Variants in TRERF1 observed in about 807,000 individuals in gnomAD.
TRERF1 encodes transcriptional-regulating factor 1.
Under a neutral mutation model 122.9 loss-of-function variants are expected in TRERF1, and 27 were observed. The ratio of observed to expected loss-of-function variants is 0.22; its 90% confidence interval spans 0.16 to 0.30. The LOEUF is 0.30. TRERF1 is among the 10% of genes least tolerant of loss of function. The pLI, the probability that TRERF1 is intolerant of heterozygous loss-of-function variation, is 1.00. For synonymous variants in TRERF1, 636 were observed against 641.7 expected (o/e 0.99, Z 0.13); for missense variants, 1,248 against 1,560.3 (o/e 0.80, Z 3.37).
chr6:42,374,129 C>CTT (rs200639285), intron 2 of TRERF1, among the ~76,000 whole-genome samples: 1 of 131,248 alleles, frequency 7.6e-6, no homozygotes, highest in African/African-American at 3.2e-5. Context: ...GAGACTCTGT[C>CTT]TTTTTTTTAA....
chr6:42,305,428 C>T (rs1787028550), intron 3 of TRERF1, among the ~76,000 whole-genome samples: 1 of 152,142 alleles, frequency 6.6e-6, no homozygotes, highest in South Asian at 2.1e-4. Context: ...GCCTCACAGG[C>T]CACACTGCTG....
At chr6:42,281,817 T>C (rs534442136) in intron 4 of TRERF1, among the ~76,000 whole-genome samples, 3 of 152,200 alleles carry the variant, frequency 2.0e-5, no homozygotes, top group Admixed American at 1.3e-4. Flanking sequence ...CTAACGTGCA[T>C]TGGGCGCTAA....
intron 2 of TRERF1, among the ~76,000 whole-genome samples, chr6:42,378,965 A>G (rs1775404964): frequency 6.6e-6 from 1 of 152,074 alleles, no homozygotes; most frequent in Non-Finnish European, 1.5e-5. Flanking sequence ...AAAATTTAAA[A>G]AAAAATAGGC....
At chr6:42,303,195 A>G (rs1487780876) in intron 3 of TRERF1, among the ~76,000 whole-genome samples, 1 of 152,242 alleles carries the variant, frequency 6.6e-6, no homozygotes, top group Non-Finnish European at 1.5e-5. Context: ...TTGGCATACA[A>G]CAGCTGAGTG....
chr6:42,449,985 C>T (rs1788180516), intron 2 of TRERF1, among the ~76,000 whole-genome samples: 2 of 152,212 alleles, frequency 1.3e-5, no homozygotes, highest in Admixed American at 1.3e-4. Context: ...CGGGTTGGAC[C>T]CGAGATGCTA....
At chr6:42,451,821 A>G (rs1788602849) in intron 1 of TRERF1, among the ~76,000 whole-genome samples, 1 of 151,410 alleles carries the variant, frequency 6.6e-6, no homozygotes, top group South Asian at 2.1e-4. Context: ...CTCCCTCCCC[A>G]GTGGAAATTT....
At chr6:42,404,497 C>T (rs953837778) in intron 2 of TRERF1, among the ~76,000 whole-genome samples, 2 of 152,112 alleles carry the variant, frequency 1.3e-5, no homozygotes, top group Admixed American at 1.3e-4. Context: ...CTACCCCCAC[C>T]CCAATCCAGC....
intron 4 of TRERF1, among the ~76,000 whole-genome samples, chr6:42,289,097 G>T (rs1289029076): frequency 6.6e-6 from 1 of 152,050 alleles, no homozygotes; most frequent in Non-Finnish European, 1.5e-5. Flanking sequence ...GCCAAGGCAG[G>T]TGGATCATTT....
At chr6:42,258,315 C>T in intron 9 of TRERF1, 114 bp from the exon 10 acceptor site, 1 of 893,950 alleles carries the variant, frequency 1.1e-6, no homozygotes, top group Non-Finnish European at 1.8e-6. Flanking sequence ...CTACCCAGCT[C>T]CTGCCAGAGT....
intron 2 of TRERF1, among the ~76,000 whole-genome samples, chr6:42,398,313 A>G (rs917963958): frequency 2.0e-4 from 30 of 152,350 alleles, no homozygotes; most frequent in Middle Eastern, 6.8e-3. Context: ...GGCATGTACC[A>G]TTTAAACCCA....
At chr6:42,246,347 A>G (rs1209796384) in intron 14 of TRERF1, 109 bp downstream of exon 14, 10 of 859,504 alleles carry the variant, frequency 1.2e-5, no homozygotes, top group Non-Finnish European at 1.3e-5. Context: ...AGTGTGGAAG[A>G]CATCCTTTTT....
intron 15 of TRERF1, among the ~76,000 whole-genome samples, chr6:42,239,589 A>G (rs1773151139): frequency 6.6e-6 from 1 of 152,188 alleles, no homozygotes; most frequent in Non-Finnish European, 1.5e-5. Context: ...TTCCATCTGG[A>G]GGGAAATGGT....
At chr6:42,449,565 G>A (rs1788110791) in intron 2 of TRERF1, among the ~76,000 whole-genome samples, 1 of 151,732 alleles carries the variant, frequency 6.6e-6, no homozygotes, top group Non-Finnish European at 1.5e-5. Context: ...GACTGCTCTT[G>A]GCTCTGAGGC....
chr6:42,381,512 C>A (rs1196576348), intron 2 of TRERF1, among the ~76,000 whole-genome samples: 1 of 151,958 alleles, frequency 6.6e-6, no homozygotes, highest in Non-Finnish European at 1.5e-5. Context: ...TAGGGTAGGA[C>A]CAAAGGCTGT....
chr6:42,233,617 T>C lies in TRERF1; in HGVS notation c.3067-725A>G, dbSNP rs1391563848. 3.3e-5 allele frequency among the ~76,000 whole-genome samples: 5 copies of C among 152,210 alleles called. No homozygotes were observed. The East Asian group carries it at 5.8e-4, about 18-fold the overall frequency. ...TTTTTAAAGATGATAACTACCTCCT[T>C]CTTTTCCTCCCATTTTTCTTCCTTC... On this transcript the variant is annotated intron_variant, in intron 16 of 17. Transcript: ENST00000372922.
chr6:42,361,912 CA>C (rs1309083478), intron 3 of TRERF1, among the ~76,000 whole-genome samples: 1 of 152,152 alleles, frequency 6.6e-6, no homozygotes, highest in Non-Finnish European at 1.5e-5. Flanking sequence ...CCAAGGGGTT[CA>C]ATAAGGATAT....
Position 42,232,768 on chromosome 6 carries a change from T to C in TRERF1, c.3191A>G (p.Tyr1064Cys). 6.2e-7 allele frequency: 1 copy of C among 1,613,354 alleles called. No homozygotes were observed. The highest frequency in any genetic ancestry group is 8.5e-7 in the Non-Finnish European group (1 of 1,179,468). ...AGAGGGTGAGCTCTTTACCGAACAG[T>C]ACCCACTCTGGGTGCCACCAGGCTT... The change falls in exon 17 of 18, where the codon TAC becomes TGC. Residue 1064 changes from tyrosine (Y) to cysteine (C), a missense_variant. This residue lies in a region of TRERF1 where 159 missense variants were observed against 221.7 expected (regional missense o/e 0.72). Transcript: ENST00000372922. This position sits in a 1 kb window ranked among gnomAD's most constrained non-coding sequence, Gnocchi z 4.5.
At chr6:42,241,024 T>C (rs1773575707) in intron 15 of TRERF1, among the ~76,000 whole-genome samples, 1 of 151,854 alleles carries the variant, frequency 6.6e-6, no homozygotes, top group Non-Finnish European at 1.5e-5. Flanking sequence ...TCCTGAATAG[T>C]GGGGACTACA....
rs1161319382 is a variant in TRERF1, at chr6:42,277,974, A to AGAAGAAGAAGAAGAC, written c.-258-8127_-258-8126insGTCTTCTTCTTCTTC. Among the ~76,000 whole-genome samples the AGAAGAAGAAGAAGAC allele has an allele frequency of 4.1e-5, 6 of 147,122 alleles. No individual in the cohort carries two copies. The East Asian group carries it at 1.0e-3, about 24-fold the overall frequency. On this transcript the variant is annotated intron_variant, in intron 4 of 17. Coordinates refer to ENST00000372922, the Ensembl canonical transcript of TRERF1. The stretch of plus-strand genomic sequence containing the variant: ...AAGAAGAAGAAGAAGAAGAAGAAGA[A>AGAAGAAGAAGAAGAC]GACTGCAATAGAAGACAGGAGCCCT...
Sources: allele counts gnomAD v4.1 joint callset (sites outside exome capture counted in the v4.1 genomes callset), GRCh38; gene constraint gnomAD v4.1.1; regional missense constraint gnomAD v4.1.1; non-coding constraint Gnocchi (gnomAD v3.1); transcripts MANE v1.5; gene names NCBI Gene and HGNC (gene_info 2026-07-23, HGNC 2026-07-21).